The following TBX15 variants were observed in gnomAD, a reference collection of about 807,000 sequenced individuals.
TBX15 encodes T-box transcription factor 15.
In TBX15, 18 loss-of-function variants were observed where a neutral mutation model predicts 53.9. That is an observed-to-expected ratio of 0.33 (90% CI 0.23 to 0.49). The LOEUF is 0.49. TBX15 is among the 20% of genes least tolerant of loss of function. The pLI is 0.98. For synonymous variants in TBX15, 295 were observed against 278.0 expected (o/e 1.06, Z -0.61); for missense variants, 692 against 749.5 (o/e 0.92, Z 0.90).
chr1:118,939,001 A>G (rs1253824912), intron 1 of TBX15, among the ~76,000 whole-genome samples: 1 of 152,208 alleles, frequency 6.6e-6, no homozygotes, highest in African/African-American at 2.4e-5. Context: ...GATTGGATAA[A>G]GAAAATGTGG....
chr1:118,891,245 T>C (rs778092794), intron 7 of TBX15, among the ~76,000 whole-genome samples: 22 of 152,226 alleles, frequency 1.4e-4, no homozygotes, highest in Non-Finnish European at 2.4e-4. Flanking sequence ...GCTTTGAATA[T>C]ATTCATCCAA....
At chr1:118,905,471 T>A (rs1285879516) in intron 6 of TBX15, among the ~76,000 whole-genome samples, 1 of 152,158 alleles carries the variant, frequency 6.6e-6, no homozygotes, top group Admixed American at 6.5e-5. Context: ...TGTTAAGTAC[T>A]GGATAAAAGA....
rs1364796465 is a variant in TBX15 at position 118,938,544 on chromosome 1, CCT to C, written c.206-6714_206-6713del. The stretch of plus-strand genomic sequence containing the variant: ...AGGCTCAATGCCATTAAAGTTTCAA[CCT>C]CTGTTTTAAGTTATTTGAAAAAGAT... On this transcript the variant is annotated intron_variant, in intron 1 of 7. Transcript: ENST00000369429. 1.4e-4 allele frequency among the ~76,000 whole-genome samples: 22 copies of C among 152,294 alleles called. 3 individuals are homozygous for C. The highest frequency in any genetic ancestry group is 5.3e-4 in the African/African-American group (22 of 41,562).
At chr1:118,969,196 G>A (rs1179984755) in intron 1 of TBX15, among the ~76,000 whole-genome samples, 1 of 152,160 alleles carries the variant, frequency 6.6e-6, no homozygotes, top group Non-Finnish European at 1.5e-5. Context: ...GTAGCCTATG[G>A]TTCAGGTTCA....
chr1:118,906,145 GATTTGAATGGCT>G (rs1324614987), intron 6 of TBX15, among the ~76,000 whole-genome samples: 3 of 152,186 alleles, frequency 2.0e-5, no homozygotes, highest in Non-Finnish European at 4.4e-5. Context: ...GTATACTTAT[GATTTGAATGGCT>G]AACAATAAAT....
In TBX15 at chr1:118,884,810, C is replaced by A; in HGVS notation, c.1731G>T (p.Gln577His). Residue 577 changes from glutamine (Q) to histidine (H), a missense_variant, in exon 8 of 8, where the codon CAG (glutamine) becomes CAT (histidine). By Grantham distance (24) the Gln-to-His change is conservative. Around this residue, in one of 3 missense-constraint regions of TBX15, gnomAD observed 375 missense variants for 371.6 expected, o/e 1.01. Coordinates refer to ENST00000369429, the MANE Select transcript of TBX15 (RefSeq NM_001330677.2). ...HMISPSPNNQ[Q>H]ATNTCDGRQY... ...GCCGGCCATCACAAGTGTTGGTTGC[C>A]TGTTGGTTATTGGGTGAAGGGCTAA... 1.2e-6 allele frequency: 2 copies of A among 1,614,092 alleles called. No individual in the cohort carries two copies. The highest frequency in any genetic ancestry group is 1.7e-6 in the Non-Finnish European group (2 of 1,180,022).
intron 7 of TBX15, among the ~76,000 whole-genome samples, chr1:118,894,081 CT>C (rs1385379908): frequency 6.6e-6 from 1 of 152,108 alleles, no homozygotes; most frequent in Non-Finnish European, 1.5e-5. Flanking sequence ...GCACTAAGCA[CT>C]AAGAAGGCAA....
intron 1 of TBX15, among the ~76,000 whole-genome samples, chr1:118,945,591 C>T (rs547875462): frequency 2.6e-5 from 4 of 152,334 alleles, no homozygotes; most frequent in Admixed American, 2.0e-4. Flanking sequence ...AAGGCATCAA[C>T]GTTTGGCCTC....
intron 1 of TBX15, among the ~76,000 whole-genome samples, chr1:118,937,466 G>T (rs945203914): frequency 2.0e-5 from 3 of 152,154 alleles, no homozygotes; most frequent in African/African-American, 7.2e-5. Context: ...TAACGTGCAG[G>T]TAGTGATAGT....
chr1:118,938,006 C>A (rs1656020801), intron 1 of TBX15, among the ~76,000 whole-genome samples: 1 of 152,114 alleles, frequency 6.6e-6, no homozygotes, highest in Non-Finnish European at 1.5e-5. Flanking sequence ...TGTGGGCTAT[C>A]AGATTTTATC....
chr1:118,889,270 T>C (rs1219294100), intron 7 of TBX15, among the ~76,000 whole-genome samples: 2 of 152,242 alleles, frequency 1.3e-5, no homozygotes, highest in African/African-American at 4.8e-5. Flanking sequence ...ACCGAGATAC[T>C]GACAAGTCTT....
At chr1:118,911,273 T>G (rs1017568753) in intron 6 of TBX15, among the ~76,000 whole-genome samples, 2 of 152,204 alleles carry the variant, frequency 1.3e-5, no homozygotes, top group African/African-American at 4.8e-5. Context: ...ACACAGTAAG[T>G]TAACTGATAA....
intron 1 of TBX15, among the ~76,000 whole-genome samples, chr1:118,940,613 CTA>C (rs1656140658): frequency 6.6e-6 from 1 of 151,322 alleles, no homozygotes. Flanking sequence ...AAGTGGATAT[CTA>C]TGTTTGAAGA....
chr1:118,978,182 T>C (rs1411686161), intron 1 of TBX15, among the ~76,000 whole-genome samples: 2 of 152,256 alleles, frequency 1.3e-5, no homozygotes, highest in African/African-American at 2.4e-5. Flanking sequence ...GTGATATTAA[T>C]ATAAAAACTT....
Position 118,961,930 on chromosome 1 carries a change from A to G in TBX15, c.205+25661T>C, listed in dbSNP as rs139671842. On this transcript the variant is annotated intron_variant, in intron 1 of 7. Coordinates refer to ENST00000369429, the MANE Select transcript of TBX15 (RefSeq NM_001330677.2). Reference sequence around the variant, plus strand: ...ATTGGTACCCATGCCGAAGCAAATGACAATGGCTTTGGTCTTCCTACAACC... The same window carrying G: ...ATTGGTACCCATGCCGAAGCAAATGGCAATGGCTTTGGTCTTCCTACAACC... Among the ~76,000 whole-genome samples, 1,376 of 152,348 alleles carry G rather than the reference A, an allele frequency of 9.0e-3. 26 individuals carry two copies. Among genetic ancestry groups the G allele is most frequent in the African/African-American group, 0.031 (1,301 of 41,570 alleles).
chr1:118,941,511 A>C (rs970407964), intron 1 of TBX15, among the ~76,000 whole-genome samples: 3 of 152,184 alleles, frequency 2.0e-5, no homozygotes, highest in Non-Finnish European at 4.4e-5. Context: ...TACCCAACTC[A>C]CCATGCAAAC....
At chr1:118,948,263 A>G (rs73007597) in intron 1 of TBX15, among the ~76,000 whole-genome samples, 1,851 of 152,244 alleles carry the variant, frequency 0.012, 42 homozygotes, top group African/African-American at 0.042. Context: ...TAACATCTTT[A>G]AAAGGTCAGT....
intron 1 of TBX15, among the ~76,000 whole-genome samples, chr1:118,961,199 T>C (rs946882030): frequency 6.6e-6 from 1 of 152,222 alleles, no homozygotes. Context: ...ACTCTGTTCA[T>C]ATTCTGTCGA....
chr1:118,975,616 T>C (rs920255265), intron 1 of TBX15, among the ~76,000 whole-genome samples: 4 of 152,200 alleles, frequency 2.6e-5, no homozygotes, highest in African/African-American at 9.7e-5. Flanking sequence ...GGGTGAGCTA[T>C]TTAATCTGTT....
Sources: allele counts gnomAD v4.1 joint callset (sites outside exome capture counted in the v4.1 genomes callset), GRCh38; gene constraint gnomAD v4.1.1; regional missense constraint gnomAD v4.1.1; transcripts MANE v1.5; gene names NCBI Gene and HGNC (gene_info 2026-07-23, HGNC 2026-07-21).